The following MAMLD1 variants were observed in gnomAD, a reference collection of about 807,000 sequenced individuals.
MAMLD1 encodes the protein mastermind like domain containing 1.
Under a neutral mutation model 45.0 loss-of-function variants are expected in MAMLD1, and 14 were observed. The observed-to-expected ratio is 0.31, with a 90% CI of 0.21 to 0.49. The LOEUF is 0.49. MAMLD1 is among the 20% of genes least tolerant of loss of function. The pLI, the probability that MAMLD1 is intolerant of heterozygous loss-of-function variation, is 0.99. For missense variants in MAMLD1, 543 were observed against 603.6 expected, an observed-to-expected ratio of 0.90 and a Z score of 1.05; for synonymous variants, 254 against 247.8, an observed-to-expected ratio of 1.02 and a Z score of -0.24.
intron 2 of MAMLD1, among the ~76,000 whole-genome samples, chrX:150,448,846 C>T (rs993307381): frequency 2.7e-5 from 3 of 111,739 alleles, no homozygotes; most frequent in Non-Finnish European, 5.7e-5. Flanking sequence ...AGACTCAGTG[C>T]GCATGTCACA....
At chrX:150,408,204 C>T (rs1364687257) in intron 1 of MAMLD1, among the ~76,000 whole-genome samples, 1 of 110,350 alleles carries the variant, frequency 9.1e-6, no homozygotes, top group African/African-American at 3.3e-5. Context: ...CCTTGTTAAA[C>T]ACTTCACAGT....
intron 2 of MAMLD1, among the ~76,000 whole-genome samples, chrX:150,453,443 A>G (rs2035732476): frequency 9.0e-6 from 1 of 111,704 alleles, no homozygotes; most frequent in South Asian, 3.8e-4. Flanking sequence ...CATTTCAGGT[A>G]GAATTACAGG....
intron 1 of MAMLD1, among the ~76,000 whole-genome samples, chrX:150,365,340 C>T (rs1487005259): frequency 8.9e-6 from 1 of 112,187 alleles, no homozygotes; most frequent in East Asian, 2.9e-4. Context: ...GAGCCTCAGC[C>T]CCGGCCCTCG....
At chrX:150,398,245 G>A (rs2033510814) in intron 1 of MAMLD1, among the ~76,000 whole-genome samples, 1 of 88,485 alleles carries the variant, frequency 1.1e-5, no homozygotes, top group African/African-American at 4.2e-5. Context: ...AGGAGAAGGA[G>A]GAGAAGGAGA....
At chrX:150,492,913 G>A (rs936666960) in intron 5 of MAMLD1, among the ~76,000 whole-genome samples, 2 of 111,608 alleles carry the variant, frequency 1.8e-5, no homozygotes. Flanking sequence ...GGTAAGGAGA[G>A]GAGGTGGCCC....
chrX:150,386,809 A>AT (rs56654011), intron 1 of MAMLD1, among the ~76,000 whole-genome samples: 13 of 105,521 alleles, frequency 1.2e-4, no homozygotes, highest in Admixed American at 4.1e-4. Flanking sequence ...CCTTTATGAC[A>AT]TTTTTTTTTT....
In MAMLD1 at chrX:150,512,385, CAAGAA is replaced by C; in HGVS notation, c.*427_*431del. ...CACCAGCTCAGACGGCCTAGTGTGC[CAAGAA>C]TGCCCACTGCGTTCAACAATGCTGC... On this transcript the variant is annotated 3_prime_UTR_variant, in exon 8 of 8. Transcript: ENST00000370401. 8.7e-7 allele frequency: 1 copy of C among 1,143,794 alleles called. No homozygotes were observed. 94.3% of individuals were successfully genotyped at this position (1,143,794 alleles called of 1,213,427 possible).
At chrX:150,413,815 A>G (rs185770199) in intron 1 of MAMLD1, among the ~76,000 whole-genome samples, 2 of 110,135 alleles carry the variant, frequency 1.8e-5, no homozygotes, top group African/African-American at 6.6e-5. Context: ...AGGCTTCTTC[A>G]TAGAATAGGA....
At chrX:150,426,050 C>T (rs1289458961) in intron 1 of MAMLD1, among the ~76,000 whole-genome samples, 1 of 111,351 alleles carries the variant, frequency 9.0e-6, no homozygotes, top group East Asian at 2.8e-4. Context: ...TCAGGTCCTG[C>T]TTGTTGGGCT....
intron 5 of MAMLD1, among the ~76,000 whole-genome samples, chrX:150,479,335 C>T (rs1172349479): frequency 8.9e-6 from 1 of 111,893 alleles, no homozygotes; most frequent in Admixed American, 9.4e-5. Flanking sequence ...ATGCACAAGG[C>T]CGCCTACTTA....
At chrX:150,384,547 G>A (rs1557401978) in intron 1 of MAMLD1, among the ~76,000 whole-genome samples, 1 of 111,638 alleles carries the variant, frequency 9.0e-6, no homozygotes, top group African/African-American at 3.3e-5. Context: ...GCAAATATTT[G>A]CTCCCATTCT....
At chrX:150,453,293 T>A (rs147372767) in intron 2 of MAMLD1, among the ~76,000 whole-genome samples, 1,196 of 112,259 alleles carry the variant, frequency 0.011, 7 homozygotes, top group Non-Finnish European at 0.016. Context: ...TATTGTCTAC[T>A]ACACAGAGCT....
chrX:150,418,433 T>C (rs1329419725), intron 1 of MAMLD1, among the ~76,000 whole-genome samples: 37 of 108,164 alleles, frequency 3.4e-4, no homozygotes, highest in African/African-American at 1.2e-3. Flanking sequence ...GTGTCTCTAT[T>C]TCCTTCAGTT....
chrX:150,466,705 T>C (rs974516203), intron 3 of MAMLD1, among the ~76,000 whole-genome samples: 6 of 112,123 alleles, frequency 5.4e-5, no homozygotes, highest in Non-Finnish European at 9.4e-5. Flanking sequence ...ACCATTTGCT[T>C]GGGATGCAGT....
At chrX:150,493,215 C>T (rs936896185) in intron 5 of MAMLD1, among the ~76,000 whole-genome samples, 3 of 111,498 alleles carry the variant, frequency 2.7e-5, no homozygotes, top group Non-Finnish European at 5.6e-5. Flanking sequence ...TCTAAGTCCC[C>T]TGAAGAGAGT....
chrX:150,426,590 C>A (rs1422386267), intron 1 of MAMLD1, among the ~76,000 whole-genome samples: 1 of 112,069 alleles, frequency 8.9e-6, no homozygotes, highest in Non-Finnish European at 1.9e-5. Context: ...TTGAGAGCCA[C>A]CTGAGATAAA....
At chrX:150,365,366 G>T (rs1273373021) in intron 1 of MAMLD1, among the ~76,000 whole-genome samples, 16 of 112,461 alleles carry the variant, frequency 1.4e-4, no homozygotes, top group African/African-American at 4.8e-4. Flanking sequence ...CGCCCGGCCT[G>T]CCAGCCCTGG....
At chrX:150,380,414 G>A (rs1557401585) in intron 1 of MAMLD1, among the ~76,000 whole-genome samples, 2 of 110,838 alleles carry the variant, frequency 1.8e-5, no homozygotes, top group African/African-American at 6.6e-5. Flanking sequence ...ATTTTTCTGT[G>A]TTAGGTATAT....
chrX:150,474,025 G>A (rs368936306), intron 5 of MAMLD1, among the ~76,000 whole-genome samples: 1 of 112,112 alleles, frequency 8.9e-6, no homozygotes, highest in African/African-American at 3.2e-5. Context: ...GGGGGCAAGC[G>A]ACTTTTGCCA....
Sources: allele counts gnomAD v4.1 joint callset (sites outside exome capture counted in the v4.1 genomes callset), GRCh38; gene constraint gnomAD v4.1.1; transcripts MANE v1.5; gene names NCBI Gene and HGNC (gene_info 2026-07-23, HGNC 2026-07-21).